PPM1L: variants seen among roughly 807,000 people sequenced by gnomAD.
PPM1L encodes the protein protein phosphatase, Mg2+/Mn2+ dependent 1L.
In PPM1L, 13 loss-of-function variants were observed where a neutral mutation model predicts 31.4. The observed-to-expected ratio is 0.41, with a 90% CI of 0.27 to 0.66. The LOEUF (loss-of-function observed/expected upper bound fraction) is 0.66, where lower values mean the gene tolerates loss of function less well. Among genes scored for constraint, PPM1L ranks in the 30% least tolerant of loss-of-function variants. PPM1L has a pLI of 0.29. For synonymous variants in PPM1L, 184 were observed against 175.4 expected, an observed-to-expected ratio of 1.05 and a Z score of -0.39; for missense variants, 326 against 453.7, an observed-to-expected ratio of 0.72 and a Z score of 2.56.
At chr3:160,808,392 T>TGTGTGTGTGTGTGTGTGCGCGCGCGCGC (rs1712694286) in intron 1 of PPM1L, among the ~76,000 whole-genome samples, 1 of 147,716 alleles carries the variant, frequency 6.8e-6, no homozygotes, top group South Asian at 2.1e-4. Flanking sequence ...CCTGTGTGTG[T>TGTGTGTGTGTGTGTGTGCGCGCGCGCGC]GTGTGTGTGT....
In PPM1L at chr3:161,073,432, G is replaced by C. The variant is rs1719996778; in HGVS notation, c.*4275G>C. ...TAGTAGCAGTACAATTTGCAACTTA[G>C]AAGCATGAGCCTTTCATATATGAAG... On this transcript the variant is annotated 3_prime_UTR_variant, in exon 4 of 4. Transcript: ENST00000498165. 6.6e-6 allele frequency: 1 copy of C among 152,194 alleles called. No individual in the cohort carries two copies. The allele number at this position is 152,194 out of a possible 1,614,324, so 9.4% of individuals were successfully genotyped here.
intron 1 of PPM1L, among the ~76,000 whole-genome samples, chr3:160,766,820 A>G (rs1294257887): frequency 6.6e-6 from 1 of 151,272 alleles, no homozygotes; most frequent in African/African-American, 2.4e-5. Context: ...GCTGCTTCCA[A>G]CTTTTCTGGA....
intron 1 of PPM1L, chr3:160,870,662 A>G (rs912097598): frequency 2.6e-5 from 4 of 152,216 alleles, no homozygotes; most frequent in Admixed American, 2.6e-4. Flanking sequence ...GGTGGCTTTA[A>G]AGCCAGGGAA....
At chr3:160,980,496 G>A (rs1193484526) in intron 2 of PPM1L, among the ~76,000 whole-genome samples, 3 of 151,688 alleles carry the variant, frequency 2.0e-5, no homozygotes, top group Non-Finnish European at 2.9e-5. Context: ...GGGCAACATG[G>A]CAAAACCCCG....
intron 2 of PPM1L, among the ~76,000 whole-genome samples, chr3:160,986,001 C>T (rs902027488): frequency 6.6e-6 from 1 of 151,142 alleles, no homozygotes; most frequent in Non-Finnish European, 1.5e-5. Flanking sequence ...AATAGCACCT[C>T]AAAGCTTTTG....
chr3:160,885,280 T>C (rs1281028255), intron 1 of PPM1L, among the ~76,000 whole-genome samples: 1 of 152,196 alleles, frequency 6.6e-6, no homozygotes, highest in Non-Finnish European at 1.5e-5. Flanking sequence ...AAAATATAAA[T>C]AGATTTATGT....
At position 160,963,527 on chromosome 3, in the gene PPM1L, C is replaced by T. The variant is rs754921074; in HGVS notation, c.574+1617C>T. Among the ~76,000 whole-genome samples, 18 of 152,012 alleles carry T rather than the reference C, an allele frequency of 1.2e-4. 1 individual carries two copies. Among genetic ancestry groups the T allele is most frequent in the Admixed American group, 2.6e-4 (4 of 15,212 alleles). ...CTAAATACACCCTGTAATATCTTCG[C>T]GTTATTAAAGTTAAGATGAAATGTG... is the stretch of plus-strand genomic sequence containing the variant. On this transcript the variant is annotated intron_variant, in intron 2 of 3. Transcript: ENST00000498165.
chr3:160,913,664 A>T (rs957585189), intron 1 of PPM1L, among the ~76,000 whole-genome samples: 3 of 152,076 alleles, frequency 2.0e-5, no homozygotes, highest in Non-Finnish European at 2.9e-5. Flanking sequence ...ATGTACTCTT[A>T]TATCTGGCTT....
At chr3:160,938,257 C>T (rs1036284850) in intron 1 of PPM1L, among the ~76,000 whole-genome samples, 1 of 152,120 alleles carries the variant, frequency 6.6e-6, no homozygotes, top group Non-Finnish European at 1.5e-5. Context: ...TCAATAATGG[C>T]GTCCTACTAC....
intron 1 of PPM1L, among the ~76,000 whole-genome samples, chr3:160,875,097 A>G (rs569689515): frequency 5.0e-4 from 76 of 152,320 alleles, no homozygotes; most frequent in Middle Eastern, 3.4e-3. Flanking sequence ...CATATATTAT[A>G]TGGCATATAT....
chr3:160,995,949 T>G (rs1165132791), intron 2 of PPM1L, among the ~76,000 whole-genome samples: 1 of 152,088 alleles, frequency 6.6e-6, no homozygotes, highest in Non-Finnish European at 1.5e-5. Flanking sequence ...ATATTCAACT[T>G]GGACTGAATT....
intron 1 of PPM1L, among the ~76,000 whole-genome samples, chr3:160,863,536 A>T (rs958066134): frequency 6.6e-6 from 1 of 152,212 alleles, no homozygotes; most frequent in African/African-American, 2.4e-5. Context: ...TGACTTTCTC[A>T]TGAAAGCTCC....
chr3:161,033,149 T>G (rs890946732), intron 2 of PPM1L, among the ~76,000 whole-genome samples: 2 of 152,078 alleles, frequency 1.3e-5, no homozygotes, highest in African/African-American at 4.8e-5. Flanking sequence ...CTGAAGGACC[T>G]CTTCAAGGAG....
At chr3:160,762,700 C>T (rs1012681250) in intron 1 of PPM1L, among the ~76,000 whole-genome samples, 2 of 151,644 alleles carry the variant, frequency 1.3e-5, no homozygotes, top group African/African-American at 2.4e-5. Flanking sequence ...CTGTAGACAG[C>T]GATTGGGTGG....
rs544254259 is a variant in PPM1L, at chr3:160,921,182, C to T, written c.400-40554C>T. ...AATTAGTATTTAATCTTTCCTCCTGCGTAACTGTGGAGCCTGCAGTTACCC... is the reference window on the plus strand; with the variant it reads ...AATTAGTATTTAATCTTTCCTCCTGTGTAACTGTGGAGCCTGCAGTTACCC... On this transcript the variant is annotated intron_variant, in intron 1 of 3. Coordinates refer to ENST00000498165, the MANE Select transcript of PPM1L (RefSeq NM_139245.4). 2.6e-5 allele frequency among the ~76,000 whole-genome samples: 4 copies of T among 152,248 alleles called. No individual in the cohort carries two copies. The South Asian group carries it at 6.2e-4, about 24-fold the overall frequency.
chr3:161,037,109 C>A (rs373326580), intron 2 of PPM1L, among the ~76,000 whole-genome samples: 1 of 152,050 alleles, frequency 6.6e-6, no homozygotes, highest in Non-Finnish European at 1.5e-5. Context: ...TCTCTCATTG[C>A]GGTGGAACTT....
chr3:160,914,086 G>C (rs1367397618), intron 1 of PPM1L, among the ~76,000 whole-genome samples: 1 of 152,020 alleles, frequency 6.6e-6, no homozygotes, highest in African/African-American at 2.4e-5. Context: ...CCACATCTTT[G>C]CCAACACTTG....
At chr3:161,041,253 C>T (rs1042248453) in intron 2 of PPM1L, among the ~76,000 whole-genome samples, 37 of 152,298 alleles carry the variant, frequency 2.4e-4, no homozygotes, top group Non-Finnish European at 3.7e-4. Context: ...CCACTGGCCC[C>T]GCCCTGGCTT....
chr3:160,763,213 T>C (rs948448291), intron 1 of PPM1L, among the ~76,000 whole-genome samples: 4 of 152,182 alleles, frequency 2.6e-5, no homozygotes, highest in Admixed American at 2.0e-4. Flanking sequence ...CCTTTGCAGG[T>C]GGAGAGCACT....
Sources: gnomAD v4.1 joint callset for allele counts (sites outside exome capture counted in the v4.1 genomes callset) on GRCh38, gnomAD v4.1.1 for gene constraint, MANE v1.5 for transcripts, NCBI Gene and HGNC (gene_info 2026-07-23, HGNC 2026-07-21) for gene names.